Variants in COL14A1 observed in about 807,000 individuals in gnomAD.
The protein encoded by COL14A1 is collagen alpha-1(XIV) chain.
In COL14A1, 136 loss-of-function variants were observed where a neutral mutation model predicts 230.3. The observed-to-expected ratio is 0.59, with a 90% CI of 0.51 to 0.68. COL14A1 has a LOEUF of 0.68. Among genes scored for constraint, COL14A1 ranks in the 30% least tolerant of loss-of-function variants. COL14A1 has a pLI of 0.00. For synonymous variants in COL14A1, 792 were observed against 784.1 expected, an observed-to-expected ratio of 1.01 and a Z score of -0.17; for missense variants, 1,976 against 2,215.8, an observed-to-expected ratio of 0.89 and a Z score of 2.17.
chr8:120,136,107 C>G (rs1032744009), intron 1 of COL14A1, among the ~76,000 whole-genome samples: 1 of 151,820 alleles, frequency 6.6e-6, no homozygotes, highest in African/African-American at 2.4e-5. Context: ...CTTTTTCTTG[C>G]CTGATTGCAC....
chr8:120,267,244 G>GT (rs990560291), intron 25 of COL14A1, among the ~76,000 whole-genome samples: 2 of 151,820 alleles, frequency 1.3e-5, no homozygotes, highest in Non-Finnish European at 2.9e-5. Flanking sequence ...TCTTTCAGTC[G>GT]TTTTTTCTTT....
At chr8:120,166,001 G>A (rs1215476537) in intron 4 of COL14A1, among the ~76,000 whole-genome samples, 1 of 152,190 alleles carries the variant, frequency 6.6e-6, no homozygotes, top group Admixed American at 6.5e-5. Context: ...CTGTGACTGA[G>A]AGGTGGTCAT....
At chr8:120,285,245 A>G (rs1412168101) in intron 32 of COL14A1, among the ~76,000 whole-genome samples, 1 of 151,744 alleles carries the variant, frequency 6.6e-6, no homozygotes, top group East Asian at 1.9e-4. Context: ...TGAGGTCAGG[A>G]GATCGAGACC....
chr8:120,235,425 T>C (rs1033690141), intron 19 of COL14A1, among the ~76,000 whole-genome samples: 2 of 152,186 alleles, frequency 1.3e-5, no homozygotes, highest in African/African-American at 4.8e-5. Flanking sequence ...TGCCTTGGCC[T>C]CCCAAAGTGC....
chr8:120,277,070 T>G (rs933184873), intron 26 of COL14A1, among the ~76,000 whole-genome samples: 1 of 151,976 alleles, frequency 6.6e-6, no homozygotes, highest in Non-Finnish European at 1.5e-5. Flanking sequence ...AAAAAACAAT[T>G]AAAAATGATC....
At chr8:120,293,702 G>A (rs1450301968) in intron 34 of COL14A1, among the ~76,000 whole-genome samples, 1 of 151,806 alleles carries the variant, frequency 6.6e-6, no homozygotes, top group Non-Finnish European at 1.5e-5. Context: ...TAAAGGCAGA[G>A]AAGGAAGTTT....
intron 40 of COL14A1, 117 bp from the exon 41 acceptor site, chr8:120,332,024 G>T: frequency 1.2e-6 from 1 of 830,026 alleles, no homozygotes; most frequent in Non-Finnish European, 2.0e-6. Context: ...TGAATCCTTG[G>T]TAGTCCAGAG....
Position 120,196,414 on chromosome 8 carries a change from C to T in COL14A1, c.437-377C>T, listed in dbSNP as rs147985679. 6.6e-5 allele frequency among the ~76,000 whole-genome samples: 10 copies of T among 152,236 alleles called. No homozygotes were observed. The East Asian group carries it at 1.2e-3, about 18-fold the overall frequency. On this transcript the variant is annotated intron_variant, in intron 5 of 47. Transcript: ENST00000297848. The stretch of plus-strand genomic sequence containing the variant: ...GAGAGCCGTCTTTTTGCCTCCTGGC[C>T]GTCTTCCCATCTCGGCTGACTGGCA...
chr8:120,146,244 G>A (rs754510458), intron 1 of COL14A1, among the ~76,000 whole-genome samples: 1 of 152,172 alleles, frequency 6.6e-6, no homozygotes, highest in Non-Finnish European at 1.5e-5. Context: ...GGTTAATAAA[G>A]TAAGATGACT....
intron 14 of COL14A1, among the ~76,000 whole-genome samples, chr8:120,216,878 C>T (rs575519664): frequency 5.9e-5 from 9 of 152,274 alleles, no homozygotes; most frequent in Admixed American, 2.6e-4. Flanking sequence ...GACCCATGTC[C>T]AAACAGAGAG....
rs201698583 is a variant in COL14A1 at position 120,369,441 on chromosome 8, C to T, written c.5267C>T (p.Pro1756Leu). 1 of 1,609,288 alleles carries T rather than the reference C, an allele frequency of 6.2e-7. No individual in the cohort carries two copies. Among genetic ancestry groups the T allele is most frequent in the Non-Finnish European group, 8.5e-7 (1 of 1,177,836 alleles). The change falls in exon 47 of 48, where the codon CCT becomes CTT. Residue 1756 changes from proline to leucine, a missense_variant. Transcript: ENST00000297848. ...VPGPQGPSGQ[P>L]GYCDPSSCSA... ...GGACCCCAAGGTCCTTCTGGCCAGC[C>T]TGGATATTGTGACCCCTCATCATGT...
chr8:120,181,642 G>A (rs1463756524), intron 5 of COL14A1, among the ~76,000 whole-genome samples: 3 of 152,190 alleles, frequency 2.0e-5, no homozygotes, highest in African/African-American at 4.8e-5. Flanking sequence ...TCTTATGGGA[G>A]TGATAACTAA....
chr8:120,371,550 C>T lies in COL14A1; in HGVS notation c.*319C>T. The T allele has an allele frequency of 2.5e-6, 1 of 398,208 alleles. No homozygotes were observed. The highest frequency in any genetic ancestry group is 4.4e-6 in the Non-Finnish European group (1 of 225,858). The allele number at this position is 398,208 out of a possible 1,614,324, so 24.7% of individuals were successfully genotyped here. On this transcript the variant is annotated 3_prime_UTR_variant, in exon 48 of 48. Coordinates refer to ENST00000297848, the MANE Select transcript of COL14A1 (RefSeq NM_021110.4). The stretch of plus-strand genomic sequence containing the variant: ...TAAATTGAACTCTGGAATCTTCTCT[C>T]TCAAGTCCTAAAATGAACAAACAGA...
intron 1 of COL14A1, among the ~76,000 whole-genome samples, chr8:120,139,706 T>C (rs773135228): frequency 6.6e-6 from 1 of 152,144 alleles, no homozygotes; most frequent in Non-Finnish European, 1.5e-5. Context: ...TCTAAGTAAA[T>C]TAATTAAAAT....
At chr8:120,333,672 G>T (rs1821947660) in intron 42 of COL14A1, among the ~76,000 whole-genome samples, 1 of 152,142 alleles carries the variant, frequency 6.6e-6, no homozygotes, top group Admixed American at 6.6e-5. Context: ...AGTTCCGCAG[G>T]TCAGAAGTCT....
chr8:120,262,346 G>A (rs563229884), intron 23 of COL14A1, among the ~76,000 whole-genome samples: 1 of 152,056 alleles, frequency 6.6e-6, no homozygotes, highest in Non-Finnish European at 1.5e-5. Context: ...GGTGGTGCAC[G>A]CCTGTAGTTC....
intron 45 of COL14A1, among the ~76,000 whole-genome samples, chr8:120,360,120 A>T (rs1471177278): frequency 1.3e-5 from 2 of 152,116 alleles, no homozygotes. Context: ...CCACTTAATG[A>T]TTCAACCTGT....
chr8:120,304,180 C>A (rs1820794264), intron 36 of COL14A1, among the ~76,000 whole-genome samples: 2 of 151,864 alleles, frequency 1.3e-5, no homozygotes, highest in Admixed American at 1.3e-4. Flanking sequence ...TTAATTTTTT[C>A]AAAAAACTAA....
intron 1 of COL14A1, among the ~76,000 whole-genome samples, chr8:120,146,518 C>T (rs1815094394): frequency 6.6e-6 from 1 of 152,070 alleles, no homozygotes; most frequent in Admixed American, 6.6e-5. Context: ...TAACTCATTA[C>T]TTTATTGTTT....
Sources: allele counts gnomAD v4.1 joint callset (sites outside exome capture counted in the v4.1 genomes callset), GRCh38; gene constraint gnomAD v4.1.1; transcripts MANE v1.5; gene names NCBI Gene and HGNC (gene_info 2026-07-23, HGNC 2026-07-21).